DYM: variants seen among roughly 807,000 people sequenced by gnomAD.
DYM encodes the protein dyggve-Melchior-Clausen syndrome protein.
In DYM, 78 loss-of-function variants were observed where a neutral mutation model predicts 93.1. The ratio of observed to expected loss-of-function variants is 0.84; its 90% CI spans 0.70 to 1.01. The LOEUF is 1.01. Among genes scored for constraint, DYM ranks in the 50% least tolerant of loss-of-function variants. DYM has a pLI of 0.00. For missense variants in DYM, 789 were observed against 845.0 expected, an observed-to-expected ratio of 0.93 and a Z score of 0.82; for synonymous variants, 321 against 319.7, an observed-to-expected ratio of 1.00 and a Z score of -0.04.
At chr18:49,197,361 A>AG (rs940953622) in intron 14 of DYM, among the ~76,000 whole-genome samples, 12 of 152,172 alleles carry the variant, frequency 7.9e-5, no homozygotes, top group Admixed American at 4.6e-4. Flanking sequence ...AAATGGCAAA[A>AG]GGGGGGGAAG....
chr18:49,432,890 G>A (rs1475809053), intron 1 of DYM, among the ~76,000 whole-genome samples: 1 of 152,136 alleles, frequency 6.6e-6, no homozygotes, highest in Non-Finnish European at 1.5e-5. Context: ...ATGAGCTACT[G>A]AGCCTGGCCA....
intron 17 of DYM, among the ~76,000 whole-genome samples, chr18:49,068,206 G>A (rs2076621991): frequency 6.6e-6 from 1 of 152,170 alleles, no homozygotes; most frequent in East Asian, 1.9e-4. Context: ...AAAGGGACAT[G>A]ACCAGGTGCA....
chr18:49,066,378 C>G (rs1192159058), intron 17 of DYM, among the ~76,000 whole-genome samples: 1 of 152,132 alleles, frequency 6.6e-6, no homozygotes, highest in Non-Finnish European at 1.5e-5. Context: ...CAGTGTATAA[C>G]CTTCTGTATT....
rs570099751 is a variant in DYM, at chr18:49,213,877, G to A, written c.1461-4162C>T. Among the ~76,000 whole-genome samples, 103 of 152,244 alleles carry A rather than the reference G, an allele frequency of 6.8e-4. 2 individuals are homozygous for A. The South Asian group carries it at 0.021, about 31-fold the overall frequency. On this transcript the variant is annotated intron_variant, in intron 13 of 17. Transcript: ENST00000675505. ...CCAAAATTTACTATTTGGCATAAAAGAAATCTTGAATAAATGAAGAAATAC... is the reference window on the plus strand; with the variant it reads ...CCAAAATTTACTATTTGGCATAAAAAAAATCTTGAATAAATGAAGAAATAC...
chr18:49,234,967 A>G (rs1002729873), intron 13 of DYM, among the ~76,000 whole-genome samples: 1 of 151,998 alleles, frequency 6.6e-6, no homozygotes, highest in African/African-American at 2.4e-5. Context: ...GCAAGGGGGA[A>G]CTCAGTTCTA....
chr18:49,343,995 A>G (rs113461174), intron 6 of DYM, among the ~76,000 whole-genome samples: 1,678 of 152,202 alleles, frequency 0.011, 30 homozygotes, highest in African/African-American at 0.038. Context: ...CCACAGTAAC[A>G]GAACTAGTAG....
chr18:49,077,655 G>C (rs529661444), intron 17 of DYM, among the ~76,000 whole-genome samples: 1 of 152,302 alleles, frequency 6.6e-6, no homozygotes, highest in South Asian at 2.1e-4. Context: ...CTTTGCTATT[G>C]GCACATGCAC....
At chr18:49,068,557 T>C (rs1025904818) in intron 17 of DYM, among the ~76,000 whole-genome samples, 10 of 152,182 alleles carry the variant, frequency 6.6e-5, no homozygotes, top group African/African-American at 2.4e-4. Flanking sequence ...GTAACAGCTT[T>C]TGTTAGGCTG....
At chr18:49,096,933 C>A (rs2079597875) in intron 17 of DYM, among the ~76,000 whole-genome samples, 1 of 152,154 alleles carries the variant, frequency 6.6e-6, no homozygotes. Context: ...CCTCACTGTA[C>A]ATCAGTTTCC....
Position 49,441,055 on chromosome 18 carries a change from TTA to T in DYM, c.-53-10610_-53-10609del, listed in dbSNP as rs1157442523. On this transcript the variant is annotated intron_variant, in intron 1 of 17. Coordinates refer to ENST00000675505, the MANE Select transcript of DYM (RefSeq NM_001353214.3). ...TATAATATATAAATATATAATATAT[TTA>T]TATATATTATATATAAATATTATAT... 8.2e-4 allele frequency among the ~76,000 whole-genome samples: 6 copies of T among 7,324 alleles called. No homozygotes were observed. In the South Asian group the frequency reaches 0.021, roughly 25 times the overall value. 4.8% of individuals were successfully genotyped at this position (7,324 alleles called of 152,430 possible).
intron 11 of DYM, among the ~76,000 whole-genome samples, chr18:49,271,236 G>C (rs540753580): frequency 6.6e-6 from 1 of 152,136 alleles, no homozygotes; most frequent in South Asian, 2.1e-4. Context: ...TAAAAAACAG[G>C]GCAATGATGT....
chr18:49,277,540 G>T (rs192132898), intron 10 of DYM, among the ~76,000 whole-genome samples: 167 of 152,250 alleles, frequency 1.1e-3, no homozygotes, highest in Middle Eastern at 3.4e-3. Context: ...TAAGAGGTGG[G>T]GCCCTTGGGA....
intron 8 of DYM, among the ~76,000 whole-genome samples, chr18:49,308,692 G>A (rs1390176968): frequency 1.3e-5 from 2 of 152,116 alleles, no homozygotes; most frequent in Non-Finnish European, 2.9e-5. Flanking sequence ...TCAGGTTAGG[G>A]TCTGACAATG....
chr18:49,309,325 T>C (rs1306382212), intron 8 of DYM, among the ~76,000 whole-genome samples: 2 of 152,124 alleles, frequency 1.3e-5, no homozygotes, highest in African/African-American at 4.8e-5. Context: ...AGGTTTTTTG[T>C]TTGTTTGTTT....
chr18:49,440,942 A>T (rs28478552), intron 1 of DYM, among the ~76,000 whole-genome samples: 17 of 820 alleles, frequency 0.021, 4 homozygotes, highest in African/African-American at 0.055. Context: ...TATAATATAT[A>T]ATATATTATA....
intron 1 of DYM, among the ~76,000 whole-genome samples, chr18:49,443,634 G>A (rs147825126): frequency 4.6e-5 from 7 of 152,226 alleles, no homozygotes; most frequent in African/African-American, 1.2e-4. Context: ...ACAATATCCC[G>A]ATATGCCCTG....
intron 13 of DYM, among the ~76,000 whole-genome samples, chr18:49,234,455 A>G (rs1410689401): frequency 2.6e-5 from 4 of 152,120 alleles, no homozygotes; most frequent in Non-Finnish European, 5.9e-5. Flanking sequence ...CCTGTCTCAA[A>G]AAAAAGAAAA....
At chr18:49,230,955 T>C (rs1251741050) in intron 13 of DYM, among the ~76,000 whole-genome samples, 2 of 152,120 alleles carry the variant, frequency 1.3e-5, no homozygotes, top group African/African-American at 4.8e-5. Context: ...AAAATGCACA[T>C]AGAGCTTAAA....
chr18:49,333,711 T>TTAAA lies in DYM; in HGVS notation c.620+13_620+16dup, dbSNP rs1409247925. ...TATACAATGAAAAAACTAGACATAC[T>TTAAA]TAAAGTAGAAACATACCATGGACCT... On this transcript the variant is annotated intron_variant, in intron 7 of 17. Coordinates refer to ENST00000675505, the MANE Select transcript of DYM (RefSeq NM_001353214.3). The TTAAA allele has an allele frequency of 6.2e-7, 1 of 1,613,110 alleles. No individual in the cohort carries two copies. Among genetic ancestry groups the TTAAA allele is most frequent in the Non-Finnish European group, 8.5e-7 (1 of 1,179,406 alleles).
Sources: gnomAD v4.1 joint callset for allele counts (sites outside exome capture counted in the v4.1 genomes callset) on GRCh38, gnomAD v4.1.1 for gene constraint, MANE v1.5 for transcripts, NCBI Gene and HGNC (gene_info 2026-07-23, HGNC 2026-07-21) for gene names.